The following SLC44A3 variants were observed in gnomAD, a reference collection of about 807,000 sequenced individuals.
SLC44A3 encodes the protein choline transporter-like protein 3.
SLC44A3 carries 74 observed loss-of-function variants against 75.4 expected under a neutral mutation model. The ratio of observed to expected loss-of-function variants is 0.98; its 90% CI spans 0.81 to 1.19. The LOEUF is 1.19. SLC44A3 is among the 50% of genes most tolerant of loss of function. The pLI is 0.00. For missense variants in SLC44A3, 700 were observed against 778.6 expected, an observed-to-expected ratio of 0.90 and a Z score of 1.20; for synonymous variants, 310 against 296.9, an observed-to-expected ratio of 1.04 and a Z score of -0.45.
chr1:94,868,028 TC>T (rs1219604826), intron 12 of SLC44A3, among the ~76,000 whole-genome samples: 1 of 152,226 alleles, frequency 6.6e-6, no homozygotes, highest in Non-Finnish European at 1.5e-5. Flanking sequence ...TTCATAGATT[TC>T]ACCAGTCTTT....
chr1:94,847,375 A>G (rs941649311), intron 9 of SLC44A3, among the ~76,000 whole-genome samples: 1 of 152,226 alleles, frequency 6.6e-6, no homozygotes, highest in Non-Finnish European at 1.5e-5. Flanking sequence ...GCAGGGAGGA[A>G]AGCGAGCATG....
intron 12 of SLC44A3, among the ~76,000 whole-genome samples, chr1:94,882,123 A>G (rs1669071310): frequency 6.6e-6 from 1 of 152,226 alleles, no homozygotes; most frequent in African/African-American, 2.4e-5. Context: ...AACATTTGGC[A>G]TACACAGTCT....
intron 6 of SLC44A3, among the ~76,000 whole-genome samples, chr1:94,838,270 G>T (rs1663091550): frequency 1.3e-5 from 2 of 152,218 alleles, no homozygotes; most frequent in South Asian, 4.1e-4. Context: ...AAGCTGCTTG[G>T]TGAGCAGGGC....
At chr1:94,889,927 C>T (rs980678411) in intron 12 of SLC44A3, among the ~76,000 whole-genome samples, 6 of 151,944 alleles carry the variant, frequency 3.9e-5, no homozygotes, top group Middle Eastern at 3.4e-3. Flanking sequence ...CTTGGCTCAC[C>T]GCAAACTCCG....
At chr1:94,833,296 T>C (rs535489006) in intron 5 of SLC44A3, among the ~76,000 whole-genome samples, 146 of 152,326 alleles carry the variant, frequency 9.6e-4, no homozygotes, top group African/African-American at 3.3e-3. Flanking sequence ...CTCATGGGCA[T>C]GTTTTGGGTT....
chr1:94,830,699 A>G (rs557381654), intron 5 of SLC44A3, among the ~76,000 whole-genome samples: 1 of 152,300 alleles, frequency 6.6e-6, no homozygotes, highest in South Asian at 2.1e-4. Flanking sequence ...GGACTTTTTT[A>G]AGAACACAAT....
chr1:94,894,815 C>CAA lies in SLC44A3; in HGVS notation c.1858-2_1858-1insAA. 1 of 1,607,146 alleles carries CAA rather than the reference C, an allele frequency of 6.2e-7. No individual in the cohort carries two copies. Among genetic ancestry groups the CAA allele is most frequent in the Non-Finnish European group, 8.5e-7 (1 of 1,176,414 alleles). ...TATTCTAACTTGTTCTTTTGTTTTT[C>CAA]AGAGTTTCGTAAAAAGGAGCAACAA... On this transcript the variant is annotated splice_region_variant and splice_polypyrimidine_tract_variant and intron_variant, in intron 14 of 14. Transcript: ENST00000271227.
intron 11 of SLC44A3, among the ~76,000 whole-genome samples, chr1:94,867,103 C>T (rs559563282): frequency 1.3e-5 from 2 of 152,134 alleles, no homozygotes; most frequent in South Asian, 4.2e-4. Context: ...ATGGACTAAC[C>T]TCCCTAATAG....
chr1:94,862,796 G>T (rs1041978642), intron 10 of SLC44A3, among the ~76,000 whole-genome samples: 3 of 152,192 alleles, frequency 2.0e-5, no homozygotes, highest in African/African-American at 7.2e-5. Flanking sequence ...TACACTCATC[G>T]CTGGGTTGCC....
At chr1:94,845,047 G>A (rs1008568178) in intron 8 of SLC44A3, among the ~76,000 whole-genome samples, 5 of 152,004 alleles carry the variant, frequency 3.3e-5, no homozygotes, top group Non-Finnish European at 7.4e-5. Context: ...CTTTATGGAG[G>A]GACTGTGTCT....
In SLC44A3 at chr1:94,820,388, T is replaced by G. The variant is rs1660377098; in HGVS notation, c.-64T>G. The G allele has an allele frequency of 7.1e-7, 1 of 1,406,326 alleles. No homozygotes were observed. Among genetic ancestry groups the G allele is most frequent in the African/African-American group, 1.5e-5 (1 of 65,866 alleles). The allele number at this position is 1,406,326 out of a possible 1,614,324, so 87.1% of individuals were successfully genotyped here. On this transcript the variant is annotated 5_prime_UTR_variant, in exon 1 of 15. Transcript: ENST00000271227. ...GGCCCCGGCCCCGGCTCGCGGGCGCTGCGTCTCCGCGTACAGGAGGCGGCG... is the reference window on the plus strand; with the variant it reads ...GGCCCCGGCCCCGGCTCGCGGGCGCGGCGTCTCCGCGTACAGGAGGCGGCG...
At chr1:94,822,580 A>G (rs1411116329) in intron 2 of SLC44A3, among the ~76,000 whole-genome samples, 1 of 152,186 alleles carries the variant, frequency 6.6e-6, no homozygotes, top group Non-Finnish European at 1.5e-5. Flanking sequence ...TTAGGGCTGG[A>G]CAAAGGCTTG....
In SLC44A3 at chr1:94,848,097, C is replaced by T. The variant is rs372467196; in HGVS notation, c.1072+2633C>T. Among the ~76,000 whole-genome samples, 58 of 152,196 alleles carry T rather than the reference C, an allele frequency of 3.8e-4. No homozygotes were observed. In the East Asian group the frequency reaches 4.4e-3, roughly 12 times the overall value. On this transcript the variant is annotated intron_variant, in intron 9 of 14. Coordinates refer to ENST00000271227, the MANE Select transcript of SLC44A3 (RefSeq NM_001114106.3). ...CAGAAAACTTAGCCGGGCGTGGTGG[C>T]GGGCGCCTATAGTCCCAGCTACTCG... is the stretch of plus-strand genomic sequence containing the variant.
chr1:94,837,918 A>C, intron 6 of SLC44A3, 47 bp downstream of exon 6: 1 of 1,475,244 alleles, frequency 6.8e-7, no homozygotes, highest in Non-Finnish European at 9.1e-7. Flanking sequence ...TGGAATGCCA[A>C]AGTTCCTAGC....
At chr1:94,831,712 A>G (rs1662158430) in intron 5 of SLC44A3, among the ~76,000 whole-genome samples, 1 of 152,212 alleles carries the variant, frequency 6.6e-6, no homozygotes, top group African/African-American at 2.4e-5. Context: ...TCTCCCACAT[A>G]GGTGCCTGTG....
At position 94,867,424 on chromosome 1, in the gene SLC44A3, C is replaced by G. The variant is rs1667292978; in HGVS notation, c.1482+7C>G. 2 of 1,598,858 alleles carry G rather than the reference C, an allele frequency of 1.3e-6. No homozygotes were observed. On this transcript the variant is annotated splice_region_variant and intron_variant, in intron 12 of 14. Coordinates refer to ENST00000271227, the MANE Select transcript of SLC44A3 (RefSeq NM_001114106.3). ...CCTGCTCCATCTCAACCAGGTACGT[C>G]TCTACCTCTTGCCTCAGGAACACAC...
intron 11 of SLC44A3, 97 bp from the exon 12 acceptor site, chr1:94,867,234 G>T: frequency 2.0e-6 from 2 of 988,620 alleles, no homozygotes; most frequent in Non-Finnish European, 1.5e-6. Context: ...GTTTCCCCAG[G>T]TGCATAAGTA....
chr1:94,843,328 C>T (rs1557828001), intron 8 of SLC44A3: 1 of 152,232 alleles, frequency 6.6e-6, no homozygotes, highest in Non-Finnish European at 1.5e-5. Context: ...CCCAGCTCAC[C>T]TCCCGTTCAT....
chr1:94,826,331 AT>A (rs2100930827), intron 3 of SLC44A3, among the ~76,000 whole-genome samples: 1 of 152,304 alleles, frequency 6.6e-6, no homozygotes, highest in South Asian at 2.1e-4. Flanking sequence ...AACAACGTGA[AT>A]GTACTAATGT....
Sources: allele counts gnomAD v4.1 joint callset (sites outside exome capture counted in the v4.1 genomes callset), GRCh38; gene constraint gnomAD v4.1.1; transcripts MANE v1.5; gene names NCBI Gene and HGNC (gene_info 2026-07-23, HGNC 2026-07-21).